Variants in TMTC1 observed in about 807,000 individuals in gnomAD.
The protein encoded by TMTC1 is transmembrane O-mannosyltransferase targeting cadherins 1.
In TMTC1, 73 loss-of-function variants were observed where a neutral mutation model predicts 104.8. The observed-to-expected ratio is 0.70, with a 90% CI of 0.58 to 0.85. The LOEUF is 0.85. Among genes scored for constraint, TMTC1 ranks in the 40% least tolerant of loss-of-function variants. The pLI, the probability that TMTC1 is intolerant of heterozygous loss-of-function variation, is 0.00. For synonymous variants in TMTC1, 434 were observed against 428.7 expected, an observed-to-expected ratio of 1.01 and a Z score of -0.15; for missense variants, 1,035 against 1,096.1, an observed-to-expected ratio of 0.94 and a Z score of 0.79.
intron 17 of TMTC1, among the ~76,000 whole-genome samples, 185 bp downstream of exon 17, chr12:29,511,858 A>G (rs1412626524): frequency 6.6e-6 from 1 of 152,242 alleles, no homozygotes; most frequent in Non-Finnish European, 1.5e-5. Flanking sequence ...CAGGATATTC[A>G]GTATCTAGAT....
chr12:29,585,070 T>C (rs1329034808), intron 7 of TMTC1, among the ~76,000 whole-genome samples: 4 of 149,658 alleles, frequency 2.7e-5, no homozygotes, highest in South Asian at 4.3e-4. Flanking sequence ...TGTAAAAGTG[T>C]TCCTATTTCT....
chr12:29,507,067 C>G, intron 17 of TMTC1, 81 bp from the exon 18 acceptor site: 1 of 1,192,802 alleles, frequency 8.4e-7, no homozygotes, highest in Non-Finnish European at 1.2e-6. Flanking sequence ...AAGAAACTGA[C>G]CCTCTGCCCA....
At chr12:29,602,630 T>G (rs1419105382) in intron 7 of TMTC1, among the ~76,000 whole-genome samples, 1 of 152,168 alleles carries the variant, frequency 6.6e-6, no homozygotes, top group Non-Finnish European at 1.5e-5. Context: ...ACATAAAGAA[T>G]ATAACATGCT....
rs1025611516 is a variant in TMTC1, at chr12:29,505,968, A to G, written c.*878T>C. The G allele has an allele frequency of 6.6e-6, 1 of 152,186 alleles. No individual in the cohort carries two copies. The highest frequency in any genetic ancestry group is 1.5e-5 in the Non-Finnish European group (1 of 68,032). 9.4% of individuals were successfully genotyped at this position (152,186 alleles called of 1,614,324 possible). A position where few individuals can be genotyped will look rare whatever the true frequency, so the allele number is the denominator to read the frequency against. On this transcript the variant is annotated 3_prime_UTR_variant, in exon 18 of 18. Coordinates refer to ENST00000539277, the MANE Select transcript of TMTC1 (RefSeq NM_001193451.2). ...TGATGTCTGAACATTAAGATAATAA[A>G]GTAGGACATTTCTCTTAGTTAATAT...
At chr12:29,624,578 C>T (rs11050324) in intron 6 of TMTC1, among the ~76,000 whole-genome samples, 6,595 of 152,252 alleles carry the variant, frequency 0.043, 580 homozygotes, top group Admixed American at 0.23. Flanking sequence ...TACTTTCCTG[C>T]CTCAGGGACT....
intron 5 of TMTC1, among the ~76,000 whole-genome samples, chr12:29,719,991 T>A (rs1460222106): frequency 6.6e-6 from 1 of 152,140 alleles, no homozygotes; most frequent in Non-Finnish European, 1.5e-5. Context: ...GCTTAGTGAG[T>A]GACTTTTGAA....
At chr12:29,553,629 T>C (rs540138292) in intron 10 of TMTC1, among the ~76,000 whole-genome samples, 2 of 152,356 alleles carry the variant, frequency 1.3e-5, no homozygotes, top group African/African-American at 4.8e-5. Context: ...TAAAGCATTG[T>C]TGTTGATTTG....
At position 29,633,164 on chromosome 12, in the gene TMTC1, A is replaced by C. The variant is rs770784240; in HGVS notation, c.1111T>G (p.Cys371Gly). The C allele has an allele frequency of 1.2e-6, 2 of 1,612,940 alleles. No individual in the cohort carries two copies. Among genetic ancestry groups the C allele is most frequent in the Non-Finnish European group, 1.7e-6 (2 of 1,179,238 alleles). The change falls in exon 6 of 18, where the codon TGC becomes GGC. Residue 371 changes from cysteine to glycine, a missense_variant. Coordinates refer to ENST00000539277, the MANE Select transcript of TMTC1 (RefSeq NM_001193451.2). ...AVVMALLSLH[C>G]LAAFKRLEHK... ...AAAATTACCTTAAAGGCTGCTAAGC[A>C]GTGCAGGCTCAATAAGGCCATCACA... is the stretch of plus-strand genomic sequence containing the variant.
intron 7 of TMTC1, among the ~76,000 whole-genome samples, chr12:29,591,488 C>T (rs747488923): frequency 3.3e-5 from 5 of 152,182 alleles, no homozygotes; most frequent in African/African-American, 1.2e-4. Context: ...AAAATCAAAA[C>T]CTGGAGAGCC....
intron 5 of TMTC1, among the ~76,000 whole-genome samples, chr12:29,643,432 T>TATATATATATATATCACATATATGTG (rs1330867072): frequency 0.011 from 1,116 of 100,644 alleles, 57 homozygotes; most frequent in Middle Eastern, 0.069. Flanking sequence ...TAAACTGTGA[T>TATATATATATATATCACATATATGTG]ATATATATAT....
At chr12:29,619,077 A>AG (rs1161111845) in intron 6 of TMTC1, among the ~76,000 whole-genome samples, 2 of 152,318 alleles carry the variant, frequency 1.3e-5, no homozygotes, top group Non-Finnish European at 1.5e-5. Flanking sequence ...CATACAAATC[A>AG]GGGGAAAAAA....
intron 6 of TMTC1, among the ~76,000 whole-genome samples, chr12:29,616,351 A>G (rs377761833): frequency 9.7e-4 from 147 of 152,234 alleles, no homozygotes; most frequent in African/African-American, 3.4e-3. Flanking sequence ...ACTGATCTCA[A>G]CTATAGCCAT....
intron 11 of TMTC1, chr12:29,534,712 T>G (rs185971648): frequency 3.5e-4 from 53 of 152,310 alleles, no homozygotes; most frequent in Non-Finnish European, 2.1e-4. Context: ...TAAAATAAAG[T>G]TCAACATCAT....
intron 5 of TMTC1, among the ~76,000 whole-genome samples, chr12:29,664,332 T>A (rs1356323749): frequency 1.3e-5 from 2 of 152,316 alleles, no homozygotes; most frequent in East Asian, 3.9e-4. Flanking sequence ...GATTTCTATT[T>A]CTAGTTGTTG....
intron 7 of TMTC1, among the ~76,000 whole-genome samples, chr12:29,598,034 G>A (rs1274683026): frequency 2.0e-5 from 3 of 152,190 alleles, no homozygotes; most frequent in Non-Finnish European, 4.4e-5. Context: ...GAACTACAGA[G>A]CAAGGCCAAC....
intron 17 of TMTC1, among the ~76,000 whole-genome samples, chr12:29,511,280 T>C (rs1048548741): frequency 2.0e-5 from 3 of 152,012 alleles, no homozygotes; most frequent in African/African-American, 7.3e-5. Flanking sequence ...TGTATTAATA[T>C]ATCTCCTCCT....
chr12:29,600,512 CAGGGCCAAAAGGA>C (rs569613138), intron 7 of TMTC1, among the ~76,000 whole-genome samples: 10 of 152,262 alleles, frequency 6.6e-5, no homozygotes, highest in Admixed American at 3.3e-4. Flanking sequence ...AGTGGGAATC[CAGGGCCAAAAGGA>C]ACATAGCTCC....
intron 6 of TMTC1, among the ~76,000 whole-genome samples, chr12:29,611,542 T>C (rs180905458): frequency 6.6e-6 from 1 of 152,324 alleles, no homozygotes; most frequent in Admixed American, 6.5e-5. Flanking sequence ...TTAAGTAAAT[T>C]AGAAAAATGT....
At chr12:29,643,824 T>TATAC (rs1237807379) in intron 5 of TMTC1, among the ~76,000 whole-genome samples, 13 of 74,740 alleles carry the variant, frequency 1.7e-4, no homozygotes, top group South Asian at 3.9e-4. Flanking sequence ...TATATATTTA[T>TATAC]ATATTTATAT....
Sources: allele counts gnomAD v4.1 joint callset (sites outside exome capture counted in the v4.1 genomes callset), GRCh38; gene constraint gnomAD v4.1.1; transcripts MANE v1.5; gene names NCBI Gene and HGNC (gene_info 2026-07-23, HGNC 2026-07-21).